The following SYNE2 variants were observed in gnomAD, a reference collection of about 807,000 sequenced individuals.
The protein encoded by SYNE2 is spectrin repeat containing nuclear envelope protein 2.
SYNE2 carries 431 observed loss-of-function variants against 856.3 expected under a neutral mutation model. That is an observed-to-expected ratio of 0.50 (90% CI 0.47 to 0.55). The LOEUF is 0.55. SYNE2 is among the 20% of genes least tolerant of loss of function. SYNE2 has a pLI of 0.00. For missense variants in SYNE2, 8,129 were observed against 8,023.2 expected (o/e 1.01, Z -0.50); for synonymous variants, 2,923 against 2,872.3 (o/e 1.02, Z -0.56).
At chr14:63,774,957 T>A (rs191132079) in intron 1 of SYNE2, among the ~76,000 whole-genome samples, 22 of 152,202 alleles carry the variant, frequency 1.4e-4, no homozygotes, top group African/African-American at 2.4e-4. Context: ...AATTTAATTT[T>A]ATTTATTTAT....
intron 1 of SYNE2, among the ~76,000 whole-genome samples, chr14:63,800,109 T>C (rs1241983909): frequency 1.3e-5 from 2 of 152,248 alleles, no homozygotes; most frequent in Non-Finnish European, 2.9e-5. Flanking sequence ...TGAGGTTCTT[T>C]TGGTGAGCCC....
At position 63,983,842 on chromosome 14, in the gene SYNE2, G is replaced by T; in HGVS notation, c.2107G>T (p.Asp703Tyr). Residue 703 changes from aspartate (D) to tyrosine (Y), a missense_variant, in exon 18 of 116, where the codon GAT (aspartate) becomes TAT (tyrosine). By Grantham distance (160) the Asp-to-Tyr change is radical (BLOSUM62 -3). Around this residue, in one of 3 missense-constraint regions of SYNE2, gnomAD observed 2,422 missense variants for 2,357.4 expected, o/e 1.03. Coordinates refer to ENST00000555002, the MANE Select transcript of SYNE2 (RefSeq NM_182914.3). ...GAAAGCAACTGTTGAGTTTTCAACA[G>T]ATATGTCAGTAGAACTTCCTGAAAA... The part of the protein sequence containing the change: ...EEKATVEFST[D>Y]MSVELPENYN... The T allele has an allele frequency of 1.3e-6, 2 of 1,596,134 alleles. No individual in the cohort carries two copies. The highest frequency in any genetic ancestry group is 1.7e-6 in the Non-Finnish European group (2 of 1,165,116).
At chr14:63,807,255 T>C (rs1423377344) in intron 1 of SYNE2, among the ~76,000 whole-genome samples, 1 of 151,008 alleles carries the variant, frequency 6.6e-6, no homozygotes, top group South Asian at 2.1e-4. Context: ...GGCAGGTAGA[T>C]AGATTGAGCA....
At chr14:64,074,287 A>G (rs1008751419) in intron 53 of SYNE2, 151 bp downstream of exon 53, 6 of 797,984 alleles carry the variant, frequency 7.5e-6, no homozygotes, top group African/African-American at 5.1e-5. Context: ...GTGGCATGGT[A>G]TGGGCAGAAC....
chr14:63,932,409 A>G (rs1010935383), intron 2 of SYNE2, among the ~76,000 whole-genome samples: 3 of 151,910 alleles, frequency 2.0e-5, no homozygotes, highest in Admixed American at 2.0e-4. Context: ...CAAAACAAAA[A>G]AGAAAGGGGA....
intron 52 of SYNE2, among the ~76,000 whole-genome samples, chr14:64,071,411 G>T (rs1235286251): frequency 1.3e-5 from 2 of 151,776 alleles, no homozygotes; most frequent in African/African-American, 2.4e-5. Flanking sequence ...GGAGAATGGC[G>T]TGAACCCAGA....
intron 45 of SYNE2, among the ~76,000 whole-genome samples, chr14:64,037,391 TA>T (rs911580717): frequency 6.6e-6 from 1 of 151,532 alleles, no homozygotes; most frequent in Non-Finnish European, 1.5e-5. Context: ...GCACCGCCCT[TA>T]ATCCATTTAA....
intron 63 of SYNE2, chr14:64,100,469 T>TCACGCTG (rs1473321879): frequency 3.0e-5 from 4 of 132,512 alleles, no homozygotes; most frequent in Admixed American, 8.8e-5. Flanking sequence ...TGAGCCGAGA[T>TCACGCTG]CACGCTGTTG....
chr14:63,795,287 A>G (rs1887879918), intron 1 of SYNE2, among the ~76,000 whole-genome samples: 1 of 152,016 alleles, frequency 6.6e-6, no homozygotes, highest in Admixed American at 6.6e-5. Flanking sequence ...GATAGAATAT[A>G]AAGCAGGCAG....
intron 1 of SYNE2, among the ~76,000 whole-genome samples, chr14:63,823,332 T>G (rs541487581): frequency 4.6e-5 from 7 of 152,028 alleles, no homozygotes; most frequent in Non-Finnish European, 8.8e-5. Flanking sequence ...ACATGCACCA[T>G]CATGCCTAGC....
At chr14:64,133,205 CA>C (rs34419403) in intron 77 of SYNE2, among the ~76,000 whole-genome samples, 37,542 of 127,620 alleles carry the variant, frequency 0.29, 7,379 homozygotes, top group African/African-American at 0.59. Flanking sequence ...GACTCTGTCT[CA>C]AAAAAAAAAA....
intron 13 of SYNE2, 57 bp downstream of exon 13, chr14:63,978,074 G>A: frequency 1.8e-6 from 2 of 1,101,412 alleles, no homozygotes; most frequent in South Asian, 1.2e-5. Flanking sequence ...AGTAACAACT[G>A]ATACTACAGG....
rs2098715440 is a variant in SYNE2, at chr14:64,225,567, G to C, written c.*41G>C. The C allele has an allele frequency of 1.9e-6, 3 of 1,601,540 alleles. No individual in the cohort carries two copies. Among genetic ancestry groups the C allele is most frequent in the African/African-American group, 1.3e-5 (1 of 74,676 alleles). ...ACAGTGCTACACCACCTGCCTGATT[G>C]CCAAGGGTGCCCAGCACGTGGCCCC... On this transcript the variant is annotated 3_prime_UTR_variant, in exon 116 of 116. Transcript: ENST00000555002.
intron 1 of SYNE2, among the ~76,000 whole-genome samples, chr14:63,867,562 G>A (rs1326803834): frequency 6.6e-6 from 1 of 152,086 alleles, no homozygotes; most frequent in Non-Finnish European, 1.5e-5. Context: ...GCCAGGTGTG[G>A]TGGCACATAC....
At chr14:64,029,717 A>G (rs1191373118) in intron 43 of SYNE2, among the ~76,000 whole-genome samples, 178 bp from the exon 44 acceptor site, 1 of 152,192 alleles carries the variant, frequency 6.6e-6, no homozygotes, top group Non-Finnish European at 1.5e-5. Context: ...TGCGGGGGAG[A>G]TGGAGACTTT....
At chr14:63,898,560 G>A (rs1454026205) in intron 1 of SYNE2, among the ~76,000 whole-genome samples, 1 of 151,676 alleles carries the variant, frequency 6.6e-6, no homozygotes, top group South Asian at 2.1e-4. Context: ...GCATGCCACC[G>A]CACCTGGTTA....
intron 30 of SYNE2, among the ~76,000 whole-genome samples, chr14:64,006,492 T>G (rs35361329): frequency 0.38 from 58,003 of 151,898 alleles, 11,290 homozygotes; most frequent in African/African-American, 0.43. Flanking sequence ...AATGCTAATG[T>G]TTTTGTATAT....
At chr14:64,115,435 G>C (rs765876894) in intron 66 of SYNE2, among the ~76,000 whole-genome samples, 1 of 152,174 alleles carries the variant, frequency 6.6e-6, no homozygotes, top group Non-Finnish European at 1.5e-5. Context: ...GAACTTATGT[G>C]TCTAGCGATG....
chr14:64,209,072 G>C, intron 101 of SYNE2, 127 bp downstream of exon 101: 1 of 1,189,922 alleles, frequency 8.4e-7, no homozygotes, highest in Non-Finnish European at 1.2e-6. Flanking sequence ...GGCAGAGAAG[G>C]CCCAACGCTT....
Sources: gnomAD v4.1 joint callset for allele counts (sites outside exome capture counted in the v4.1 genomes callset) on GRCh38, gnomAD v4.1.1 for gene constraint, gnomAD v4.1.1 regional missense constraint, MANE v1.5 for transcripts, NCBI Gene and HGNC (gene_info 2026-07-23, HGNC 2026-07-21) for gene names.